USP6: variants seen among roughly 807,000 people sequenced by gnomAD.
USP6 encodes the protein ubiquitin specific peptidase 6.
Under a neutral mutation model 175.7 loss-of-function variants are expected in USP6, and 128 were observed. The ratio of observed to expected loss-of-function variants is 0.73; its 90% CI spans 0.63 to 0.84. The LOEUF (loss-of-function observed/expected upper bound fraction) is 0.84, where lower values mean the gene tolerates loss of function less well. USP6 is among the 40% of genes least tolerant of loss of function. The pLI, the probability that USP6 is intolerant of heterozygous loss-of-function variation, is 0.00. For missense variants in USP6, 1,498 were observed against 1,760.3 expected, an observed-to-expected ratio of 0.85 and a Z score of 2.67; for synonymous variants, 562 against 630.6, an observed-to-expected ratio of 0.89 and a Z score of 1.63.
chr17:5,163,908 T>C (rs2144134878), intron 33 of USP6, among the ~76,000 whole-genome samples: 1 of 152,334 alleles, frequency 6.6e-6, no homozygotes, highest in South Asian at 2.1e-4. Flanking sequence ...TCTTCTATTG[T>C]CGCTGTCTGG....
At position 5,116,285 on chromosome 17, in the gene USP6, C is replaced by G. The variant is rs1219851968; in HGVS notation, c.-2383C>G. On this transcript the variant is annotated 5_prime_UTR_variant, in exon 1 of 38. Transcript: ENST00000574788. ...CCACTCCCGGCCCCGCTCCGGGCGG[C>G]CCCCCTCACCACTCCCGGCCCCGCT... is the stretch of plus-strand genomic sequence containing the variant. 6.6e-6 allele frequency among the ~76,000 whole-genome samples: 1 copy of G among 151,870 alleles called. No individual in the cohort carries two copies. Among genetic ancestry groups the G allele is most frequent in the Admixed American group, 6.6e-5 (1 of 15,260 alleles).
In USP6 at chr17:5,136,622, G is replaced by A. The variant is rs777189813; in HGVS notation, c.665-18G>A. On this transcript the variant is annotated intron_variant, in intron 17 of 37. Coordinates refer to ENST00000574788, the MANE Select transcript of USP6 (RefSeq NM_001304284.2). ...TGGGGGAAGGCTCTGATTTCATGAT[G>A]GGCTGGGGGCTTCTCAGGATTCCAC... The A allele has an allele frequency of 1.3e-5, 21 of 1,610,654 alleles. No individual in the cohort carries two copies. The highest frequency in any genetic ancestry group is 1.7e-5 in the Admixed American group (1 of 59,986).
chr17:5,120,859 G>C, intron 3 of USP6, 71 bp downstream of exon 3: 1 of 454,526 alleles, frequency 2.2e-6, no homozygotes, highest in South Asian at 1.6e-5. Context: ...CAGCTGGAAC[G>C]CTGGCAGATC....
At chr17:5,135,050 ATT>A in intron 15 of USP6, 182 bp from the exon 16 acceptor site, 1 of 663,844 alleles carries the variant, frequency 1.5e-6, no homozygotes, top group Non-Finnish European at 2.7e-6. Flanking sequence ...GAACTGGGCT[ATT>A]TGCATGTCAC....
intron 34 of USP6, among the ~76,000 whole-genome samples, chr17:5,168,385 G>T (rs559386296): frequency 2.0e-4 from 30 of 152,242 alleles, no homozygotes; most frequent in Non-Finnish European, 4.3e-4. Flanking sequence ...TGCGATGTGA[G>T]AACTGCCACA....
In USP6 at chr17:5,132,772, C is replaced by T. The variant is rs2073115259; in HGVS notation, c.196-138C>T. The T allele has an allele frequency of 8.8e-7, 1 of 1,141,860 alleles. No individual in the cohort carries two copies. Among genetic ancestry groups the T allele is most frequent in the East Asian group, 2.3e-5 (1 of 42,606 alleles). The allele number at this position is 1,141,860 out of a possible 1,614,324, so 70.7% of individuals were successfully genotyped here. A position where few individuals can be genotyped will look rare whatever the true frequency, so the allele number is the denominator to read the frequency against. Reference sequence around the variant, plus strand: ...ATTGGTGCTCATTTGCTCAAAGGCTCTCAGCCCTTAGGGTCTGCCCTTCCC... The same window carrying T: ...ATTGGTGCTCATTTGCTCAAAGGCTTTCAGCCCTTAGGGTCTGCCCTTCCC... On this transcript the variant is annotated intron_variant, in intron 12 of 37. Transcript: ENST00000574788. The surrounding 1 kb of genome is among the most constrained non-coding windows in gnomAD (Gnocchi z 4.7).
Position 5,162,982 on chromosome 17 carries a change from G to A in USP6, c.3014G>A (p.Arg1005His), listed in dbSNP as rs1282844177. ...VDWHPTALHLRYQTSQERVVD... is the reference protein window; with the variant it reads ...VDWHPTALHLHYQTSQERVVD... ...TGGCACCCCACAGCCCTTCACCTTCGCTATCAAACATCCCAGGAAAGGGTA... is the reference window on the plus strand; with the variant it reads ...TGGCACCCCACAGCCCTTCACCTTCACTATCAAACATCCCAGGAAAGGGTA... Residue 1005 changes from arginine to histidine, a missense_variant, in exon 33 of 38, where the codon CGC (arginine) becomes CAC (histidine). Coordinates refer to ENST00000574788, the MANE Select transcript of USP6 (RefSeq NM_001304284.2). The A allele has an allele frequency of 5.0e-6, 8 of 1,584,994 alleles. No individual in the cohort carries two copies. The highest frequency in any genetic ancestry group is 2.4e-5 in the South Asian group (2 of 83,894).
rs111377298 is a variant in USP6 at position 5,138,269 on chromosome 17, C to T, written c.1074C>T (p.Pro358=). 1 of 1,613,362 alleles carries T rather than the reference C, an allele frequency of 6.2e-7. No homozygotes were observed. ...KLTRKQGDLP[P]PAKREQGSLA... Reference sequence around the variant, plus strand: ...CAAGGAAGCAAGGGGACCTGCCACCCCCAGGTGGGCTCCAGTGCCATGTCC... The same window carrying T: ...CAAGGAAGCAAGGGGACCTGCCACCTCCAGGTGGGCTCCAGTGCCATGTCC... The change falls in exon 21 of 38, where the codon CCC becomes CCT. Residue 358 remains proline, a synonymous_variant. Transcript: ENST00000574788.
rs1284249540 is a variant in USP6 at position 5,136,625 on chromosome 17, C to T, written c.665-15C>T. The T allele has an allele frequency of 6.2e-7, 1 of 1,611,050 alleles. No individual in the cohort carries two copies. The highest frequency in any genetic ancestry group is 8.5e-7 in the Non-Finnish European group (1 of 1,179,036). Reference sequence around the variant, plus strand: ...GGGAAGGCTCTGATTTCATGATGGGCTGGGGGCTTCTCAGGATTCCACAGC... The same window carrying T: ...GGGAAGGCTCTGATTTCATGATGGGTTGGGGGCTTCTCAGGATTCCACAGC... On this transcript the variant is annotated splice_polypyrimidine_tract_variant and intron_variant, in intron 17 of 37. Coordinates refer to ENST00000574788, the MANE Select transcript of USP6 (RefSeq NM_001304284.2).
intron 7 of USP6, chr17:5,128,423 T>A (rs1164185517): frequency 6.6e-6 from 1 of 152,064 alleles, no homozygotes; most frequent in Admixed American, 6.5e-5. Context: ...AGTATTAGCT[T>A]TTGTATTCTG....
chr17:5,118,371 C>G (rs1039082839), intron 2 of USP6, 81 bp downstream of exon 2: 2 of 152,396 alleles, frequency 1.3e-5, no homozygotes, highest in African/African-American at 4.8e-5. Flanking sequence ...GTGACCAGAC[C>G]AGGCATGAGC....
chr17:5,127,873 A>G (rs987990208), intron 7 of USP6, among the ~76,000 whole-genome samples: 4 of 152,228 alleles, frequency 2.6e-5, no homozygotes, highest in Admixed American at 2.0e-4. Flanking sequence ...TGATGACAAG[A>G]ACAACGTCTG....
intron 25 of USP6, among the ~76,000 whole-genome samples, chr17:5,143,724 C>T (rs1042996889): frequency 9.3e-5 from 14 of 151,316 alleles, no homozygotes; most frequent in African/African-American, 2.7e-4. Context: ...AAATCCCCCT[C>T]TGCGAGAAAC....
At chr17:5,158,126 G>A (rs373811600) in intron 31 of USP6, among the ~76,000 whole-genome samples, 2 of 152,174 alleles carry the variant, frequency 1.3e-5, no homozygotes, top group African/African-American at 4.8e-5. Flanking sequence ...TCAACAAATA[G>A]GTGGTATTTA....
At chr17:5,119,468 A>G (rs1270605826) in intron 2 of USP6, among the ~76,000 whole-genome samples, 1 of 152,240 alleles carries the variant, frequency 6.6e-6, no homozygotes, top group African/African-American at 2.4e-5. Context: ...AGGTCAGCTC[A>G]GGGAATGCAG....
intron 11 of USP6, among the ~76,000 whole-genome samples, chr17:5,130,918 C>T (rs1366860937): frequency 6.6e-6 from 1 of 152,220 alleles, no homozygotes; most frequent in African/African-American, 2.4e-5. Flanking sequence ...CTGGGCTAGG[C>T]CAGGCCCCTG....
At chr17:5,152,203 TTGCA>T (rs1430260199) in intron 30 of USP6, among the ~76,000 whole-genome samples, 2 of 151,136 alleles carry the variant, frequency 1.3e-5, no homozygotes, top group Non-Finnish European at 2.9e-5. Flanking sequence ...GATTACACCA[TTGCA>T]TTCCAGCCTG....
chr17:5,126,171 C>CT, intron 6 of USP6, among the ~76,000 whole-genome samples: 1 of 148,070 alleles, frequency 6.8e-6, no homozygotes, highest in South Asian at 2.1e-4. Flanking sequence ...GCTTCAGTCT[C>CT]TTTCTTAGTT....
At chr17:5,157,331 C>T (rs1000132860) in intron 31 of USP6, among the ~76,000 whole-genome samples, 2 of 152,136 alleles carry the variant, frequency 1.3e-5, no homozygotes, top group African/African-American at 4.8e-5. Flanking sequence ...AGTGATCTGC[C>T]CGCCTCAGTC....
Sources: gnomAD v4.1 joint callset for allele counts (sites outside exome capture counted in the v4.1 genomes callset) on GRCh38, gnomAD v4.1.1 for gene constraint, Gnocchi (gnomAD v3.1) non-coding constraint, MANE v1.5 for transcripts, NCBI Gene and HGNC (gene_info 2026-07-23, HGNC 2026-07-21) for gene names.